Variants in FGF13 observed in about 807,000 individuals in gnomAD.
FGF13 encodes the protein fibroblast growth factor homologous factor 2.
Under a neutral mutation model 19.5 loss-of-function variants are expected in FGF13, and 2 were observed. The ratio of observed to expected loss-of-function variants is 0.10; its 90% CI spans 0.04 to 0.32. The LOEUF is 0.32. FGF13 is among the 10% of genes least tolerant of loss of function. The pLI, the probability that FGF13 is intolerant of heterozygous loss-of-function variation, is 1.00. For missense variants in FGF13, 113 were observed against 192.7 expected, an observed-to-expected ratio of 0.59 and a Z score of 2.45; for synonymous variants, 72 against 76.9, an observed-to-expected ratio of 0.94 and a Z score of 0.33.
intron 1 of FGF13, among the ~76,000 whole-genome samples, chrX:139,005,192 T>TGG (rs2092095468): frequency 8.5e-5 from 1 of 11,753 alleles, no homozygotes; most frequent in African/African-American, 2.6e-4. Context: ...CTTGTGTCAC[T>TGG]GCCCCCCCCC....
intron 1 of FGF13, among the ~76,000 whole-genome samples, chrX:139,164,132 T>G (rs1463096814): frequency 9.2e-6 from 1 of 108,217 alleles, no homozygotes. Flanking sequence ...TACTTTAAGT[T>G]TTAGGGTACA....
chrX:139,061,459 A>G lies in FGF13; in HGVS notation c.-113+141957T>C, dbSNP rs756247608. 2.7e-5 allele frequency among the ~76,000 whole-genome samples: 3 copies of G among 111,354 alleles called. No individual in the cohort carries two copies. In the East Asian group the frequency reaches 8.5e-4, roughly 32 times the overall value. ...CTGTTATAAAGCGAGGTCACTCCTC[A>G]TGTTTTGTCTCTTTTGCACATGCCC... On this transcript the variant is annotated intron_variant, in intron 1 of 2. Transcript: ENST00000421460.
At position 139,098,686 on chromosome X, in the gene FGF13, C is replaced by T. The variant is rs138171811; in HGVS notation, c.-113+104730G>A. Among the ~76,000 whole-genome samples, 6 of 110,813 alleles carry T rather than the reference C, an allele frequency of 5.4e-5. No individual in the cohort carries two copies. The East Asian group carries it at 1.4e-3, about 27-fold the overall frequency. On this transcript the variant is annotated intron_variant, in intron 1 of 2. Transcript: ENST00000421460. ...GTAAGTGGAAGCTAAACGCTGGGTA[C>T]GCAGAAACACAGAGATGGGAACAAT...
At chrX:138,947,949 AAAGGAAG>A (rs1356988669) in intron 1 of FGF13, among the ~76,000 whole-genome samples, 2 of 111,794 alleles carry the variant, frequency 1.8e-5, no homozygotes, top group Non-Finnish European at 3.8e-5. Context: ...ATGTGAAGAC[AAAGGAAG>A]AAGTCAAGCC....
intron 1 of FGF13, among the ~76,000 whole-genome samples, chrX:138,948,955 T>C (rs975761943): frequency 1.8e-5 from 2 of 111,895 alleles, no homozygotes; most frequent in African/African-American, 6.5e-5. Flanking sequence ...TAAGGAACAG[T>C]CATATTTATT....
intron 1 of FGF13, among the ~76,000 whole-genome samples, chrX:138,913,641 GAA>G (rs2091601173): frequency 1.6e-3 from 9 of 5,519 alleles, no homozygotes; most frequent in Non-Finnish European, 2.5e-3. Context: ...AGGGATGGAG[GAA>G]GGAAGGAAGG....
At chrX:139,155,674 C>T (rs2083971141) in intron 1 of FGF13, among the ~76,000 whole-genome samples, 1 of 112,165 alleles carries the variant, frequency 8.9e-6, no homozygotes, top group Non-Finnish European at 1.9e-5. Flanking sequence ...TTCTTACTGG[C>T]CACAACACAG....
At chrX:138,995,314 A>G (rs1418517400) in intron 1 of FGF13, among the ~76,000 whole-genome samples, 3 of 111,322 alleles carry the variant, frequency 2.7e-5, no homozygotes, top group African/African-American at 9.8e-5. Flanking sequence ...ATTTTTATTT[A>G]TTTTTTAATT....
Position 138,980,747 on chromosome X carries a change from C to A in FGF13, c.-112-116097G>T, listed in dbSNP as rs1404275207. Among the ~76,000 whole-genome samples, 3 of 99,575 alleles carry A rather than the reference C, an allele frequency of 3.0e-5. No homozygotes were observed. The Admixed American group carries it at 3.5e-4, about 12-fold the overall frequency. 86.5% of individuals were successfully genotyped at this position (99,575 alleles called of 115,157 possible). A position where few individuals can be genotyped will look rare whatever the true frequency, so the allele number is the denominator to read the frequency against. On this transcript the variant is annotated intron_variant, in intron 1 of 2. Transcript: ENST00000421460. ...AAGAAATTTGTGTTTAGGAGAAATA[C>A]AGGTTGTTTTCTGGATGATAAGAAT...
At chrX:138,950,222 G>A (rs753406353) in intron 1 of FGF13, among the ~76,000 whole-genome samples, 3 of 110,668 alleles carry the variant, frequency 2.7e-5, no homozygotes, top group African/African-American at 1.0e-4. Context: ...TATATTCTGT[G>A]AGTACCATTC....
chrX:138,682,461 T>G (rs747530256), intron 3 of FGF13, among the ~76,000 whole-genome samples: 3 of 112,630 alleles, frequency 2.7e-5, no homozygotes, highest in African/African-American at 9.7e-5. Context: ...GGTGTGTGTG[T>G]GTGTGTGCGT....
intron 1 of FGF13, among the ~76,000 whole-genome samples, chrX:138,723,246 C>G (rs886114252): frequency 3.6e-5 from 4 of 111,770 alleles, no homozygotes; most frequent in African/African-American, 1.3e-4. Flanking sequence ...AATTAACTTT[C>G]CAGTAGTAGA....
chrX:138,731,136 T>A (rs1262239704), intron 1 of FGF13, among the ~76,000 whole-genome samples: 1 of 111,618 alleles, frequency 9.0e-6, no homozygotes, highest in Admixed American at 9.5e-5. Flanking sequence ...GAACTTGCAA[T>A]ACTCATCTTT....
chrX:138,882,334 G>GA (rs1457704780), intron 1 of FGF13, among the ~76,000 whole-genome samples: 1 of 111,373 alleles, frequency 9.0e-6, no homozygotes, highest in Non-Finnish European at 1.9e-5. Flanking sequence ...GTGCACTTGA[G>GA]AAAAAATGTT....
chrX:138,821,708 A>C (rs1385877789), intron 3 of FGF13, among the ~76,000 whole-genome samples: 1 of 111,948 alleles, frequency 8.9e-6, no homozygotes, highest in East Asian at 2.8e-4. Context: ...GTAAAATTAC[A>C]CATGTGGCTT....
intron 1 of FGF13, among the ~76,000 whole-genome samples, chrX:138,999,363 C>T (rs747057097): frequency 9.0e-6 from 1 of 111,100 alleles, no homozygotes; most frequent in African/African-American, 3.3e-5. Context: ...GATAGAGACA[C>T]GAAAAACCCT....
intron 1 of FGF13, among the ~76,000 whole-genome samples, chrX:139,106,500 C>G (rs1275205356): frequency 8.9e-6 from 1 of 112,166 alleles, no homozygotes; most frequent in African/African-American, 3.2e-5. Flanking sequence ...ACTGACCCTG[C>G]ATTTATAAAT....
At chrX:138,976,108 T>C (rs1569434070) in intron 1 of FGF13, among the ~76,000 whole-genome samples, 2 of 111,914 alleles carry the variant, frequency 1.8e-5, no homozygotes, top group Non-Finnish European at 3.8e-5. Context: ...ACTTTTGTTA[T>C]GCGCTGGACT....
chrX:139,002,342 T>C (rs759068603), intron 1 of FGF13, among the ~76,000 whole-genome samples: 1 of 111,171 alleles, frequency 9.0e-6, no homozygotes, highest in African/African-American at 3.3e-5. Context: ...AGTATAATTT[T>C]AAAAAAAAGA....
Sources: gnomAD v4.1 joint callset for allele counts (sites outside exome capture counted in the v4.1 genomes callset) on GRCh38, gnomAD v4.1.1 for gene constraint, MANE v1.5 for transcripts, NCBI Gene and HGNC (gene_info 2026-07-23, HGNC 2026-07-21) for gene names.